MUSK: variants seen among roughly 807,000 people sequenced by gnomAD.
MUSK encodes the protein muscle associated receptor tyrosine kinase.
In MUSK, 55 loss-of-function variants were observed where a neutral mutation model predicts 88.7. That is an observed-to-expected ratio of 0.62 (90% CI 0.50 to 0.78). The LOEUF (loss-of-function observed/expected upper bound fraction) is 0.78. MUSK is among the 30% of genes least tolerant of loss of function. The probability of loss-of-function intolerance (pLI) is 0.00; values close to 1 mark genes in which losing one functional copy is unlikely to be tolerated. For synonymous variants in MUSK, 387 were observed against 391.9 expected (o/e 0.99, Z 0.15); for missense variants, 1,015 against 1,074.3 (o/e 0.94, Z 0.77).
rs1274223832 is a variant in MUSK at position 110,681,107 on chromosome 9, ATT to A, written c.80-1566_80-1565del. The stretch of plus-strand genomic sequence containing the variant: ...ATATAATATATATTATATAATATAT[ATT>A]ATATATAATATATATTATATATATT... On this transcript the variant is annotated intron_variant, in intron 1 of 14. Coordinates refer to ENST00000374448, the MANE Select transcript of MUSK (RefSeq NM_005592.4). 1.4e-4 allele frequency among the ~76,000 whole-genome samples: 7 copies of A among 51,412 alleles called. No homozygotes were observed. The East Asian group carries it at 4.2e-3, about 31-fold the overall frequency. 33.7% of individuals were successfully genotyped at this position (51,412 alleles called of 152,430 possible).
intron 6 of MUSK, among the ~76,000 whole-genome samples, chr9:110,739,297 G>A (rs1027898941): frequency 6.6e-6 from 1 of 152,100 alleles, no homozygotes; most frequent in Non-Finnish European, 1.5e-5. Flanking sequence ...TCCTCTTCTA[G>A]TGAAGTTGCA....
At chr9:110,669,563 T>G (rs1272891899) in intron 1 of MUSK, among the ~76,000 whole-genome samples, 1 of 152,194 alleles carries the variant, frequency 6.6e-6, no homozygotes, top group African/African-American at 2.4e-5. Context: ...TGATTTGGCT[T>G]GGCAAGAGAC....
chr9:110,767,259 A>G (rs1320657334), intron 8 of MUSK, among the ~76,000 whole-genome samples: 1 of 152,164 alleles, frequency 6.6e-6, no homozygotes, highest in African/African-American at 2.4e-5. Flanking sequence ...TCCTCCCTAC[A>G]TCACTTTCTT....
chr9:110,742,659 T>G (rs1026098733), intron 6 of MUSK, among the ~76,000 whole-genome samples: 8 of 152,218 alleles, frequency 5.3e-5, no homozygotes, highest in Non-Finnish European at 1.2e-4. Context: ...TAGTTTAAGA[T>G]AGTTGAGGCC....
intron 6 of MUSK, among the ~76,000 whole-genome samples, chr9:110,746,612 G>T (rs2077177359): frequency 6.6e-6 from 1 of 152,178 alleles, no homozygotes; most frequent in African/African-American, 2.4e-5. Flanking sequence ...GCTGTTAATT[G>T]TGTGTCAATA....
In MUSK at chr9:110,805,268, C is replaced by A. The variant is rs1421374188; in HGVS notation, c.*4280C>A. The stretch of plus-strand genomic sequence containing the variant: ...ACTTTTTAAATATATTAAAAAATTA[C>A]CTTCCTGAATTATTTTATTAACATG... On this transcript the variant is annotated 3_prime_UTR_variant, in exon 15 of 15. Transcript: ENST00000374448. Among the ~76,000 whole-genome samples the A allele has an allele frequency of 6.6e-6, 1 of 151,754 alleles. No homozygotes were observed. Among genetic ancestry groups the A allele is most frequent in the Non-Finnish European group, 1.5e-5 (1 of 67,770 alleles).
At chr9:110,706,925 G>A (rs868034314) in intron 5 of MUSK, among the ~76,000 whole-genome samples, 27 of 152,060 alleles carry the variant, frequency 1.8e-4, no homozygotes, top group African/African-American at 5.8e-4. Flanking sequence ...AACTGCTTGA[G>A]CCTGGGAGGT....
intron 5 of MUSK, among the ~76,000 whole-genome samples, chr9:110,702,535 A>G (rs1036504202): frequency 2.6e-5 from 4 of 152,152 alleles, no homozygotes; most frequent in African/African-American, 9.7e-5. Flanking sequence ...AACACTCAGG[A>G]CTATAGCTTC....
chr9:110,714,661 A>T (rs901598583), intron 5 of MUSK, among the ~76,000 whole-genome samples: 1 of 152,160 alleles, frequency 6.6e-6, no homozygotes, highest in Non-Finnish European at 1.5e-5. Flanking sequence ...CATTATTGCT[A>T]GGTTTTCTTT....
chr9:110,712,781 G>C (rs1004312161), intron 5 of MUSK, among the ~76,000 whole-genome samples: 1 of 152,198 alleles, frequency 6.6e-6, no homozygotes, highest in Admixed American at 6.5e-5. Flanking sequence ...TTTGTGGAAT[G>C]CCTACTATGT....
intron 8 of MUSK, among the ~76,000 whole-genome samples, chr9:110,767,196 CA>C (rs1157790277): frequency 6.6e-6 from 1 of 152,174 alleles, no homozygotes; most frequent in Non-Finnish European, 1.5e-5. Flanking sequence ...GATGAGAAAA[CA>C]GCAAAGCTGA....
intron 6 of MUSK, among the ~76,000 whole-genome samples, chr9:110,746,899 T>C (rs1189381278): frequency 6.6e-6 from 1 of 152,200 alleles, no homozygotes; most frequent in Admixed American, 6.5e-5. Flanking sequence ...CATGCATTTA[T>C]GGGGAACTGA....
chr9:110,775,627 G>A (rs967990453), intron 9 of MUSK, 161 bp from the exon 10 acceptor site: 6 of 663,136 alleles, frequency 9.0e-6, no homozygotes, highest in Admixed American at 2.3e-5. Context: ...ATTTCATGAG[G>A]TCTCATATTA....
chr9:110,787,606 G>A, intron 13 of MUSK, 84 bp from the exon 14 acceptor site: 1 of 1,375,924 alleles, frequency 7.3e-7, no homozygotes, highest in Non-Finnish European at 9.9e-7. Flanking sequence ...CAGGGGAGGT[G>A]GGAGGATATG....
chr9:110,705,023 G>T (rs559254843), intron 5 of MUSK, among the ~76,000 whole-genome samples: 44 of 151,186 alleles, frequency 2.9e-4, no homozygotes, highest in Non-Finnish European at 5.5e-4. Flanking sequence ...TATATGGGGG[G>T]TAACTTCTAT....
intron 5 of MUSK, among the ~76,000 whole-genome samples, chr9:110,733,389 T>A (rs537267759): frequency 2.0e-5 from 3 of 152,106 alleles, no homozygotes; most frequent in African/African-American, 7.2e-5. Flanking sequence ...CCAAGTTTAA[T>A]GATTCTGTGA....
intron 14 of MUSK, among the ~76,000 whole-genome samples, chr9:110,799,727 G>A (rs1432309346): frequency 6.6e-6 from 1 of 152,084 alleles, no homozygotes; most frequent in Non-Finnish European, 1.5e-5. Context: ...TAAAACGTTG[G>A]GGAGAAACCT....
intron 3 of MUSK, among the ~76,000 whole-genome samples, chr9:110,689,447 T>TA (rs571006335): frequency 4.6e-5 from 5 of 108,192 alleles, no homozygotes; most frequent in African/African-American, 1.8e-4. Context: ...TTAAAATATG[T>TA]AAAAAATACA....
At chr9:110,697,199 C>A in intron 4 of MUSK, 126 bp from the exon 5 acceptor site, 2 of 954,820 alleles carry the variant, frequency 2.1e-6, no homozygotes, top group Non-Finnish European at 3.2e-6. Context: ...TAATAAGTGG[C>A]CAATAAAGGT....
Sources: gnomAD v4.1 joint callset for allele counts (sites outside exome capture counted in the v4.1 genomes callset) on GRCh38, gnomAD v4.1.1 for gene constraint, MANE v1.5 for transcripts, NCBI Gene and HGNC (gene_info 2026-07-23, HGNC 2026-07-21) for gene names.